WDFY4: variants seen among roughly 807,000 people sequenced by gnomAD.
The protein encoded by WDFY4 is WDFY family member 4, also known as WD repeat- and FYVE domain-containing protein 4.
WDFY4 carries 169 observed loss-of-function variants against 351.9 expected under a neutral mutation model. The ratio of observed to expected loss-of-function variants is 0.48; its 90% CI spans 0.42 to 0.55. WDFY4 has a LOEUF of 0.55. WDFY4 is among the 20% of genes least tolerant of loss of function. The pLI, the probability that WDFY4 is intolerant of heterozygous loss-of-function variation, is 0.00. For synonymous variants in WDFY4, 1,622 were observed against 1,574.6 expected, an observed-to-expected ratio of 1.03 and a Z score of -0.71; for missense variants, 3,803 against 3,935.6, an observed-to-expected ratio of 0.97 and a Z score of 0.90.
chr10:48,826,950 A>G (rs2133037966), intron 36 of WDFY4, 41 bp downstream of exon 36: 3 of 1,126,502 alleles, frequency 2.7e-6, no homozygotes, highest in Non-Finnish European at 3.5e-6. Flanking sequence ...CTGGTGGTCC[A>G]TGCAGAAAGG....
chr10:48,874,707 C>CAAGG (rs1368072787), intron 41 of WDFY4, among the ~76,000 whole-genome samples: 1 of 152,058 alleles, frequency 6.6e-6, no homozygotes, highest in Non-Finnish European at 1.5e-5. Flanking sequence ...GTGACAAAGC[C>CAAGG]AAGGGCTGGC....
rs554345948 is a variant in WDFY4 at position 48,959,704 on chromosome 10, G to T, written c.8132-18G>T. 2 of 1,550,920 alleles carry T rather than the reference G, an allele frequency of 1.3e-6. No individual in the cohort carries two copies. Among genetic ancestry groups the T allele is most frequent in the African/African-American group, 1.4e-5 (1 of 73,160 alleles). ...GATTTGAGTTACCCAAATCTCTGCT[G>T]CTTCTCATCCCATGCAGGCTGCATG... On this transcript the variant is annotated intron_variant, in intron 52 of 61. Coordinates refer to ENST00000325239, the MANE Select transcript of WDFY4 (RefSeq NM_001394531.1).
intron 39 of WDFY4, among the ~76,000 whole-genome samples, chr10:48,860,616 A>G (rs2069303145): frequency 6.6e-6 from 1 of 152,206 alleles, no homozygotes; most frequent in South Asian, 2.1e-4. Flanking sequence ...GAACACAAAC[A>G]TTCAGTTTAT....
intron 28 of WDFY4, among the ~76,000 whole-genome samples, chr10:48,809,375 A>T (rs544105242): frequency 6.6e-6 from 1 of 151,912 alleles, no homozygotes; most frequent in South Asian, 2.1e-4. Context: ...CATCATCACC[A>T]CATTAATCAC....
intron 39 of WDFY4, among the ~76,000 whole-genome samples, chr10:48,853,836 ATCTG>A (rs1019951703): frequency 6.6e-6 from 1 of 152,148 alleles, no homozygotes; most frequent in African/African-American, 2.4e-5. Context: ...GCTCATAGCT[ATCTG>A]TCTGTTCGTT....
intron 47 of WDFY4, among the ~76,000 whole-genome samples, chr10:48,936,384 G>C (rs1440818131): frequency 6.6e-6 from 1 of 151,738 alleles, no homozygotes; most frequent in Admixed American, 6.6e-5. Context: ...CTACTACCCA[G>C]TATACTTCTA....
intron 11 of WDFY4, among the ~76,000 whole-genome samples, chr10:48,738,001 C>T (rs772867054): frequency 1.8e-4 from 27 of 152,134 alleles, no homozygotes; most frequent in Admixed American, 5.2e-4. Flanking sequence ...CACTTCACTG[C>T]GCTGTTTGGT....
intron 1 of WDFY4, among the ~76,000 whole-genome samples, chr10:48,701,771 G>T (rs984138157): frequency 6.6e-6 from 1 of 152,202 alleles, no homozygotes; most frequent in African/African-American, 2.4e-5. Flanking sequence ...GCTCTTTCCA[G>T]CACCTGTGAA....
intron 47 of WDFY4, among the ~76,000 whole-genome samples, chr10:48,914,775 G>A (rs527866856): frequency 8.9e-4 from 135 of 152,254 alleles, no homozygotes; most frequent in African/African-American, 3.1e-3. Flanking sequence ...TCCAACAGTA[G>A]CCATGCAGAA....
chr10:48,721,012 G>A (rs2064067543), intron 3 of WDFY4, among the ~76,000 whole-genome samples: 1 of 152,184 alleles, frequency 6.6e-6, no homozygotes, highest in South Asian at 2.1e-4. Flanking sequence ...CTTACTCATT[G>A]GCAATCAGGA....
chr10:48,913,309 CT>C (rs1229390519), intron 47 of WDFY4: 8 of 1,337,056 alleles, frequency 6.0e-6, no homozygotes, highest in Non-Finnish European at 8.2e-6. Context: ...CAGGGGAGCC[CT>C]TGGTTTCCTG....
Position 48,805,317 on chromosome 10 carries a change from C to A in WDFY4, c.4542C>A (p.Ile1514=). 3 of 1,548,394 alleles carry A rather than the reference C, an allele frequency of 1.9e-6. No individual in the cohort carries two copies. Among genetic ancestry groups the A allele is most frequent in the Non-Finnish European group, 2.6e-6 (3 of 1,146,992 alleles). ...AGGCACAGCTTATACCCAAGCTCAT[C>A]TTCCTATTCAATGAGCCGAGCCTCA... ...AHQAQLIPKL[I]FLFNEPSLIP... is the part of the protein sequence containing the mutation. Residue 1514 remains isoleucine, a synonymous_variant, in exon 26 of 62, where the codon ATC becomes ATA. Transcript: ENST00000325239.
At position 48,981,480 on chromosome 10, in the gene WDFY4, T is replaced by G. The variant is rs1564549785; in HGVS notation, c.9488+2T>G. 1 of 1,551,488 alleles carries G rather than the reference T, an allele frequency of 6.4e-7. No individual in the cohort carries two copies. The highest frequency in any genetic ancestry group is 2.4e-5 in the East Asian group (1 of 40,898). ...AGTGACTGCTCTGGCCGTGTCCAGGTAAGCGCGGCCTTGTTTCTCTGGGTC... is the reference window on the plus strand; with the variant it reads ...AGTGACTGCTCTGGCCGTGTCCAGGGAAGCGCGGCCTTGTTTCTCTGGGTC... On this transcript the variant is annotated splice_donor_variant, in intron 61 of 61. Transcript: ENST00000325239. LOFTEE classifies it high-confidence loss of function.
Position 48,877,219 on chromosome 10 carries a change from T to C in WDFY4, c.7167+20T>C, listed in dbSNP as rs552192438. The C allele has an allele frequency of 3.2e-6, 5 of 1,539,242 alleles. No individual in the cohort carries two copies. The highest frequency in any genetic ancestry group is 2.4e-5 in the South Asian group (2 of 82,828). On this transcript the variant is annotated intron_variant, in intron 43 of 61. Transcript: ENST00000325239. ...GAAAAGGTAATATACCCCATTGCAA[T>C]AGCCTTTAAGATTTTTAAGTTAGTT... is the stretch of plus-strand genomic sequence containing the variant.
Position 48,786,690 on chromosome 10 carries a change from G to T in WDFY4, c.3628G>T (p.Ala1210Ser), listed in dbSNP as rs779518009. Reference sequence around the variant, plus strand: ...GCCTTTCCTTTCTATGGATCCATCCGCATTTGTGGATGTTTATGGATATAT... The same window carrying T: ...GCCTTTCCTTTCTATGGATCCATCCTCATTTGTGGATGTTTATGGATATAT... ...PGPFLSMDPSAFVDVYGYIAT... is the reference protein window; with the variant it reads ...PGPFLSMDPSSFVDVYGYIAT... Residue 1210 changes from alanine (A) to serine (S), a missense_variant, in exon 20 of 62, where the codon GCA becomes TCA. By Grantham distance (99) the Ala-to-Ser change is moderately conservative. Coordinates refer to ENST00000325239, the MANE Select transcript of WDFY4 (RefSeq NM_001394531.1). The T allele has an allele frequency of 5.8e-6, 9 of 1,552,086 alleles. No homozygotes were observed. Among genetic ancestry groups the T allele is most frequent in the South Asian group, 2.4e-5 (2 of 84,050 alleles).
intron 2 of WDFY4, among the ~76,000 whole-genome samples, chr10:48,712,013 G>A (rs2132220561): frequency 6.6e-6 from 1 of 152,298 alleles, no homozygotes; most frequent in South Asian, 2.1e-4. Flanking sequence ...GTGAGCTTGT[G>A]ACTCCATATT....
intron 30 of WDFY4, among the ~76,000 whole-genome samples, chr10:48,812,730 G>A (rs2067499215): frequency 6.6e-6 from 1 of 152,124 alleles, no homozygotes; most frequent in Non-Finnish European, 1.5e-5. Flanking sequence ...TTTCACACCT[G>A]CAGCATCAAG....
At chr10:48,723,705 T>G in intron 5 of WDFY4, 138 bp downstream of exon 5, 1 of 1,204,428 alleles carries the variant, frequency 8.3e-7, no homozygotes, top group East Asian at 2.6e-5. Context: ...GGGTCTAACC[T>G]CCCCCTCCCC....
At chr10:48,914,057 G>C (rs570463312) in intron 47 of WDFY4, 1 of 1,614,220 alleles carries the variant, frequency 6.2e-7, no homozygotes, top group Admixed American at 1.7e-5. Context: ...TCTTGCTCAA[G>C]TCAAGGCGCT....
Sources: gnomAD v4.1 joint callset for allele counts (sites outside exome capture counted in the v4.1 genomes callset) on GRCh38, gnomAD v4.1.1 for gene constraint, MANE v1.5 for transcripts, NCBI Gene and HGNC (gene_info 2026-07-23, HGNC 2026-07-21) for gene names.